The following SLC26A7 variants were observed in gnomAD, a reference collection of about 807,000 sequenced individuals.
SLC26A7 encodes anion exchange transporter.
In SLC26A7, 59 loss-of-function variants were observed where a neutral mutation model predicts 82.5. The observed-to-expected ratio is 0.72, with a 90% confidence interval of 0.58 to 0.89. The LOEUF is 0.89. Among genes scored for constraint, SLC26A7 ranks in the 40% least tolerant of loss-of-function variants. SLC26A7 has a pLI of 0.00. For synonymous variants in SLC26A7, 271 were observed against 274.3 expected, an observed-to-expected ratio of 0.99 and a Z score of 0.12; for missense variants, 820 against 793.0, an observed-to-expected ratio of 1.03 and a Z score of -0.41.
chr8:91,241,298 A>T (rs1253966562), intron 2 of SLC26A7, among the ~76,000 whole-genome samples: 1 of 148,290 alleles, frequency 6.7e-6, no homozygotes, highest in Non-Finnish European at 1.5e-5. Flanking sequence ...TAATGCCTCA[A>T]CTACGTAAAG....
At chr8:91,299,367 C>T (rs183749908) in intron 4 of SLC26A7, among the ~76,000 whole-genome samples, 1 of 151,578 alleles carries the variant, frequency 6.6e-6, no homozygotes, top group East Asian at 2.0e-4. Flanking sequence ...CTTTTTTCAA[C>T]ACTGAGTTTA....
intron 3 of SLC26A7, among the ~76,000 whole-genome samples, chr8:91,291,629 A>C (rs1318663339): frequency 1.3e-5 from 2 of 152,224 alleles, no homozygotes; most frequent in Non-Finnish European, 1.5e-5. Flanking sequence ...ATTTGAACAT[A>C]CTTAAATACG....
intron 2 of SLC26A7, among the ~76,000 whole-genome samples, chr8:91,240,146 A>T (rs1810454415): frequency 6.6e-6 from 1 of 152,142 alleles, no homozygotes; most frequent in Non-Finnish European, 1.5e-5. Context: ...TTTGCTTGCC[A>T]ATGTTCTGGT....
chr8:91,263,988 C>A (rs1399615965), intron 2 of SLC26A7, among the ~76,000 whole-genome samples: 1 of 151,802 alleles, frequency 6.6e-6, no homozygotes, highest in African/African-American at 2.4e-5. Context: ...CAGTAGAAGA[C>A]TGAAGTTCAG....
chr8:91,303,309 C>T (rs916622212), intron 4 of SLC26A7, among the ~76,000 whole-genome samples: 1 of 152,084 alleles, frequency 6.6e-6, no homozygotes, highest in African/African-American at 2.4e-5. Flanking sequence ...GGACAATTTG[C>T]ATATTTGTTT....
chr8:91,352,902 G>A lies in SLC26A7; in HGVS notation c.1220G>A (p.Cys407Tyr). Reference sequence around the variant, plus strand: ...CTTCAACTTACGTTTTATTTCTAGTGTGTCCTTGCAAGCATTATTGTTGTG... The same window carrying A: ...CTTCAACTTACGTTTTATTTCTAGTATGTCCTTGCAAGCATTATTGTTGTG... ...IGPLLYWLPMCVLASIIVVGL... is the reference protein window; with the variant it reads ...IGPLLYWLPMYVLASIIVVGL... The change falls in exon 11 of 19, where the codon TGT becomes TAT. Residue 407 changes from cysteine to tyrosine, a missense_variant and splice_region_variant. Transcript: ENST00000276609. The A allele has an allele frequency of 6.3e-7, 1 of 1,593,638 alleles. No individual in the cohort carries two copies.
intron 15 of SLC26A7, among the ~76,000 whole-genome samples, chr8:91,383,379 A>G (rs1814716065): frequency 6.6e-6 from 1 of 152,222 alleles, no homozygotes; most frequent in Non-Finnish European, 1.5e-5. Context: ...AAATAAAGTC[A>G]TCCAGGAGAC....
In SLC26A7 at chr8:91,289,138, T is replaced by C. The variant is rs1264725659; in HGVS notation, c.196T>C (p.Leu66=). 4 of 1,611,698 alleles carry C rather than the reference T, an allele frequency of 2.5e-6. No homozygotes were observed. The highest frequency in any genetic ancestry group is 1.1e-5 in the South Asian group (1 of 91,004). ...AATTACCCTAGTCTTCTTCACAGGATTGGCCTTTGCTGTTCTCTCATCTGT... is the reference window on the plus strand; with the variant it reads ...AATTACCCTAGTCTTCTTCACAGGACTGGCCTTTGCTGTTCTCTCATCTGT... ...MLAVQQVTQG[L]AFAVLSSVHP... The change falls in exon 3 of 19, where the codon TTG becomes CTG. Residue 66 remains leucine (L), a splice_region_variant and synonymous_variant. Transcript: ENST00000276609.
chr8:91,372,367 T>C (rs1814388598), intron 15 of SLC26A7, among the ~76,000 whole-genome samples: 1 of 152,078 alleles, frequency 6.6e-6, no homozygotes, highest in Non-Finnish European at 1.5e-5. Context: ...TAGTTTCACG[T>C]CTTATATTTA....
intron 2 of SLC26A7, among the ~76,000 whole-genome samples, chr8:91,252,200 T>C (rs1810677860): frequency 6.6e-6 from 1 of 152,108 alleles, no homozygotes. Context: ...TATAAAATTG[T>C]CCAATTTACT....
At chr8:91,352,064 G>A (rs1813731402) in intron 10 of SLC26A7, among the ~76,000 whole-genome samples, 177 bp downstream of exon 10, 1 of 151,996 alleles carries the variant, frequency 6.6e-6, no homozygotes, top group African/African-American at 2.4e-5. Flanking sequence ...AGGCGTGGGA[G>A]GGGGTACCGT....
At chr8:91,227,376 A>G (rs1810252156) in intron 2 of SLC26A7, among the ~76,000 whole-genome samples, 1 of 152,206 alleles carries the variant, frequency 6.6e-6, no homozygotes, top group South Asian at 2.1e-4. Context: ...ACTGTTTGTT[A>G]TAAACTCTTA....
At chr8:91,270,401 A>G (rs1811237086) in intron 2 of SLC26A7, among the ~76,000 whole-genome samples, 1 of 152,270 alleles carries the variant, frequency 6.6e-6, no homozygotes. Context: ...ATTGGAACTT[A>G]AACACTGCAC....
intron 15 of SLC26A7, among the ~76,000 whole-genome samples, chr8:91,387,036 AT>A (rs1267130575): frequency 1.3e-5 from 2 of 152,020 alleles, no homozygotes; most frequent in East Asian, 1.9e-4. Context: ...TATTATATAA[AT>A]TTTTTATGTT....
upstream of SLC26A7, among the ~76,000 whole-genome samples, chr8:91,244,492 T>C (rs1441001991): frequency 6.6e-6 from 1 of 151,678 alleles, no homozygotes; most frequent in Non-Finnish European, 1.5e-5. Context: ...GCATTTTTTT[T>C]TTTCTTGCTG....
chr8:91,251,330 A>G (rs1283018271), intron 2 of SLC26A7, among the ~76,000 whole-genome samples: 8 of 152,072 alleles, frequency 5.3e-5, no homozygotes, highest in African/African-American at 1.9e-4. Context: ...TTATGAAGGG[A>G]CACATTGGCC....
intron 11 of SLC26A7, among the ~76,000 whole-genome samples, chr8:91,360,931 A>C (rs1814032714): frequency 6.6e-6 from 1 of 152,158 alleles, no homozygotes; most frequent in East Asian, 1.9e-4. Context: ...GGAAGAAAAA[A>C]ACACACACTA....
chr8:91,319,789 A>G (rs1158916869), intron 5 of SLC26A7, among the ~76,000 whole-genome samples: 1 of 152,214 alleles, frequency 6.6e-6, no homozygotes, highest in African/African-American at 2.4e-5. Flanking sequence ...GTTTAAGGAA[A>G]TGACTGTCCA....
At chr8:91,313,169 G>A (rs1812536704) in intron 4 of SLC26A7, among the ~76,000 whole-genome samples, 1 of 152,108 alleles carries the variant, frequency 6.6e-6, no homozygotes, top group African/African-American at 2.4e-5. Flanking sequence ...TGTATATGGT[G>A]TTAGGTAAGG....
Sources: allele counts gnomAD v4.1 joint callset (sites outside exome capture counted in the v4.1 genomes callset), GRCh38; gene constraint gnomAD v4.1.1; transcripts MANE v1.5; gene names NCBI Gene and HGNC (gene_info 2026-07-23, HGNC 2026-07-21).